Variants in SH3RF1 observed in about 807,000 individuals in gnomAD.
The protein encoded by SH3RF1 is SH3 domain containing ring finger 1, also known as E3 ubiquitin-protein ligase SH3RF1.
Under a neutral mutation model 74.0 loss-of-function variants are expected in SH3RF1, and 32 were observed. That is an observed-to-expected ratio of 0.43 (90% CI 0.33 to 0.58). The LOEUF (loss-of-function observed/expected upper bound fraction) is 0.58, where lower values mean the gene tolerates loss of function less well. Among genes scored for constraint, SH3RF1 ranks in the 20% least tolerant of loss-of-function variants. SH3RF1 has a pLI of 0.05. For missense variants in SH3RF1, 954 were observed against 1,130.9 expected (o/e 0.84, Z 2.24); for synonymous variants, 396 against 439.6 (o/e 0.90, Z 1.24).
At chr4:169,127,985 C>T (rs1220321523) in intron 6 of SH3RF1, among the ~76,000 whole-genome samples, 1 of 152,152 alleles carries the variant, frequency 6.6e-6, no homozygotes. Context: ...CGAAATGCTC[C>T]AATGAGCACT....
chr4:169,100,405 G>A (rs976680365), intron 11 of SH3RF1, among the ~76,000 whole-genome samples: 3 of 151,930 alleles, frequency 2.0e-5, no homozygotes, highest in African/African-American at 4.8e-5. Flanking sequence ...GCAATGGCAC[G>A]ATCTCAGCTC....
intron 4 of SH3RF1, among the ~76,000 whole-genome samples, chr4:169,141,355 C>T (rs1021725850): frequency 1.3e-5 from 2 of 152,264 alleles, no homozygotes; most frequent in East Asian, 1.9e-4. Context: ...AGGCTGATAG[C>T]ATGGTATTCC....
chr4:169,247,759 C>T (rs1731027397), intron 2 of SH3RF1, among the ~76,000 whole-genome samples: 1 of 147,160 alleles, frequency 6.8e-6, no homozygotes, highest in Non-Finnish European at 1.5e-5. Context: ...AGGAAAAGGG[C>T]TAATATCCAG....
chr4:169,161,054 A>G (rs1225631599), intron 2 of SH3RF1, among the ~76,000 whole-genome samples: 1 of 152,134 alleles, frequency 6.6e-6, no homozygotes, highest in Non-Finnish European at 1.5e-5. Flanking sequence ...GTATCCTCTC[A>G]TCAGGCCAAG....
chr4:169,145,546 AC>A (rs34588731), intron 4 of SH3RF1, among the ~76,000 whole-genome samples: 29,350 of 148,702 alleles, frequency 0.2, 3,044 homozygotes, highest in African/African-American at 0.26. Flanking sequence ...CAGCACATGT[AC>A]CCCCCGAATC....
Position 169,269,228 on chromosome 4 carries a change from T to C in SH3RF1, c.-16A>G. 6.5e-7 allele frequency: 1 copy of C among 1,539,314 alleles called. No individual in the cohort carries two copies. Among genetic ancestry groups the C allele is most frequent in the Non-Finnish European group, 8.7e-7 (1 of 1,150,758 alleles). Reference sequence around the variant, plus strand: ...ATTCATCCATCTTTATCTACTTTACTGAGAAAAAATCTTCAGAAATGTTCA... The same window carrying C: ...ATTCATCCATCTTTATCTACTTTACCGAGAAAAAATCTTCAGAAATGTTCA... On this transcript the variant is annotated 5_prime_UTR_variant, in exon 2 of 12. Coordinates refer to ENST00000284637, the MANE Select transcript of SH3RF1 (RefSeq NM_020870.4).
At chr4:169,147,067 T>C (rs1167503183) in intron 4 of SH3RF1, among the ~76,000 whole-genome samples, 2 of 152,222 alleles carry the variant, frequency 1.3e-5, no homozygotes, top group Non-Finnish European at 2.9e-5. Context: ...AGTCTATTCA[T>C]GGTGCTGGGG....
At chr4:169,164,735 C>T (rs1225917433) in intron 2 of SH3RF1, among the ~76,000 whole-genome samples, 3 of 152,152 alleles carry the variant, frequency 2.0e-5, no homozygotes, top group Admixed American at 2.0e-4. Flanking sequence ...GTGTCTTATA[C>T]TAAGCAAATG....
chr4:169,169,128 G>A (rs996934534), intron 2 of SH3RF1, among the ~76,000 whole-genome samples: 17 of 152,082 alleles, frequency 1.1e-4, no homozygotes, highest in Non-Finnish European at 2.9e-5. Flanking sequence ...TTCTTCAAAG[G>A]AGCATTCTTC....
chr4:169,104,408 G>C (rs543892353), intron 11 of SH3RF1, among the ~76,000 whole-genome samples: 1 of 152,220 alleles, frequency 6.6e-6, no homozygotes, highest in African/African-American at 2.4e-5. Flanking sequence ...GCAGGAAAAA[G>C]GTTGACTCTT....
intron 2 of SH3RF1, among the ~76,000 whole-genome samples, chr4:169,234,901 C>T (rs1289445149): frequency 7.2e-5 from 11 of 152,144 alleles, no homozygotes; most frequent in Admixed American, 5.9e-4. Context: ...CTTCTACCCA[C>T]GAGATGCCAG....
chr4:169,270,732 A>C (rs1436279116), intron 1 of SH3RF1, 127 bp downstream of exon 1: 2 of 152,126 alleles, frequency 1.3e-5, no homozygotes, highest in Non-Finnish European at 2.9e-5. Flanking sequence ...CGGGGACCCG[A>C]GGGCGAGGGG....
chr4:169,174,401 C>G (rs1171197386), intron 2 of SH3RF1, among the ~76,000 whole-genome samples: 1 of 152,182 alleles, frequency 6.6e-6, no homozygotes, highest in Admixed American at 6.5e-5. Flanking sequence ...GGGCACGAAT[C>G]ACCTGGACTT....
chr4:169,270,876 CCT>C lies in SH3RF1; in HGVS notation c.-115_-114del, dbSNP rs1731440115. 1 of 151,832 alleles carries C rather than the reference CCT, an allele frequency of 6.6e-6. No individual in the cohort carries two copies. The highest frequency in any genetic ancestry group is 1.5e-5 in the Non-Finnish European group (1 of 67,990). The allele number at this position is 151,832 out of a possible 1,614,324, so 9.4% of individuals were successfully genotyped here. ...CGCCCTACCTCGCGCCTCGGCTCCT[CCT>C]CTTTGTTCGCGGCCCCGCAGCGGCT... On this transcript the variant is annotated 5_prime_UTR_variant, in exon 1 of 12. Transcript: ENST00000284637.
chr4:169,247,692 C>T (rs1355674617), intron 2 of SH3RF1, among the ~76,000 whole-genome samples: 1 of 151,794 alleles, frequency 6.6e-6, no homozygotes. Flanking sequence ...TCTGAGGAGG[C>T]ATCATGACAT....
intron 2 of SH3RF1, among the ~76,000 whole-genome samples, chr4:169,229,123 T>A (rs1466534334): frequency 6.6e-6 from 1 of 152,138 alleles, no homozygotes; most frequent in Non-Finnish European, 1.5e-5. Context: ...TTTGTTTTGC[T>A]TTTTGTTTTC....
rs1361925299 is a variant in SH3RF1, at chr4:169,202,804, CTAAAG to C, written c.394-46130_394-46126del. The stretch of plus-strand genomic sequence containing the variant: ...GTCATCAGATACTTAAACTTTGTAC[CTAAAG>C]TAAAGCTTAATAAATTTACCATTAT... On this transcript the variant is annotated intron_variant, in intron 2 of 11. Coordinates refer to ENST00000284637, the MANE Select transcript of SH3RF1 (RefSeq NM_020870.4). 3.9e-5 allele frequency among the ~76,000 whole-genome samples: 6 copies of C among 152,266 alleles called. No individual in the cohort carries two copies. The East Asian group carries it at 9.6e-4, about 24-fold the overall frequency.
At chr4:169,249,754 G>A (rs1281585207) in intron 2 of SH3RF1, among the ~76,000 whole-genome samples, 1 of 152,166 alleles carries the variant, frequency 6.6e-6, no homozygotes, top group Non-Finnish European at 1.5e-5. Context: ...GGAAGCAAGT[G>A]CAGATTAAAG....
chr4:169,098,410 T>C (rs7682121), intron 11 of SH3RF1, among the ~76,000 whole-genome samples: 30,426 of 152,160 alleles, frequency 0.2, 3,433 homozygotes, highest in African/African-American at 0.31. Flanking sequence ...TTCTGAAACC[T>C]ATTACAGCCT....
Sources: allele counts gnomAD v4.1 joint callset (sites outside exome capture counted in the v4.1 genomes callset), GRCh38; gene constraint gnomAD v4.1.1; transcripts MANE v1.5; gene names NCBI Gene and HGNC (gene_info 2026-07-23, HGNC 2026-07-21).